USH2A: variants seen among roughly 807,000 people sequenced by gnomAD.
USH2A encodes Usher syndrome 2A (autosomal recessive, mild).
USH2A carries 443 observed loss-of-function variants against 538.9 expected under a neutral mutation model. The ratio of observed to expected loss-of-function variants is 0.82; its 90% CI spans 0.76 to 0.89. USH2A has a LOEUF of 0.89. Ranked by LOEUF, USH2A falls within the 40% of genes least tolerant of loss-of-function variation. USH2A has a pLI of 0.00. For missense variants in USH2A, 6,633 were observed against 6,324.8 expected (o/e 1.05, Z -1.65); for synonymous variants, 2,413 against 2,273.5 (o/e 1.06, Z -1.75).
intron 47 of USH2A, among the ~76,000 whole-genome samples, chr1:215,823,846 G>C (rs1489116018): frequency 6.6e-6 from 1 of 151,896 alleles, no homozygotes; most frequent in Non-Finnish European, 1.5e-5. Flanking sequence ...CACTTCAGCA[G>C]ATGTATTTCT....
rs116484033 is a variant in USH2A at position 215,917,882 on chromosome 1, G to A, written c.7300+16734C>T. On this transcript the variant is annotated intron_variant, in intron 38 of 71. Transcript: ENST00000307340. Reference sequence around the variant, plus strand: ...GGATGCTGAGGTGGGACAATTGCTTGAGCCCAGGAGATTGAGGCTGCAGTG... The same window carrying A: ...GGATGCTGAGGTGGGACAATTGCTTAAGCCCAGGAGATTGAGGCTGCAGTG... Among the ~76,000 whole-genome samples, 515 of 151,606 alleles carry A rather than the reference G, an allele frequency of 3.4e-3. 4 individuals carry two copies. The highest frequency in any genetic ancestry group is 0.012 in the African/African-American group (497 of 41,356).
chr1:215,940,241 G>A (rs558308371), intron 37 of USH2A, among the ~76,000 whole-genome samples: 176 of 152,030 alleles, frequency 1.2e-3, no homozygotes, highest in African/African-American at 4.0e-3. Context: ...ATATTTTTCT[G>A]GTATTAAGGT....
At chr1:216,159,433 G>C (rs1049864552) in intron 21 of USH2A, among the ~76,000 whole-genome samples, 1 of 151,734 alleles carries the variant, frequency 6.6e-6, no homozygotes, top group Non-Finnish European at 1.5e-5. Context: ...AATTTAGAAT[G>C]TTTCATTTTT....
chr1:216,283,017 A>G (rs954683428), intron 11 of USH2A, among the ~76,000 whole-genome samples: 7 of 152,166 alleles, frequency 4.6e-5, no homozygotes, highest in African/African-American at 1.7e-4. Flanking sequence ...TTCAGTGCAA[A>G]TATATGGAAA....
intron 3 of USH2A, among the ~76,000 whole-genome samples, chr1:216,383,271 G>A (rs80262489): frequency 0.014 from 2,091 of 152,196 alleles, 49 homozygotes; most frequent in African/African-American, 0.048. Flanking sequence ...TAGAAAGACA[G>A]GCTCAACTAC....
chr1:215,924,658 A>G (rs74141462), intron 38 of USH2A, among the ~76,000 whole-genome samples: 2,405 of 152,242 alleles, frequency 0.016, 81 homozygotes, highest in African/African-American at 0.055. Context: ...CGAAGAAAAA[A>G]AAAGAAAATG....
intron 4 of USH2A, among the ~76,000 whole-genome samples, chr1:216,347,637 T>A (rs547877094): frequency 6.6e-5 from 10 of 152,282 alleles, no homozygotes; most frequent in Non-Finnish European, 1.5e-4. Flanking sequence ...AGTCCTGTAA[T>A]TCTGATATGA....
At chr1:216,281,865 GTTTTTTT>G (rs766030449) in intron 11 of USH2A, among the ~76,000 whole-genome samples, 2 of 96,474 alleles carry the variant, frequency 2.1e-5, no homozygotes, top group African/African-American at 4.0e-5. Context: ...GTTTTTGTCT[GTTTTTTT>G]TTTTTTTTTT....
chr1:216,027,070 T>C (rs937188756), intron 32 of USH2A, among the ~76,000 whole-genome samples: 3 of 152,198 alleles, frequency 2.0e-5, no homozygotes, highest in African/African-American at 7.2e-5. Context: ...AAGCAGACCC[T>C]CTGCTATAGG....
At chr1:216,159,192 T>C (rs914077065) in intron 21 of USH2A, among the ~76,000 whole-genome samples, 4 of 152,172 alleles carry the variant, frequency 2.6e-5, no homozygotes, top group Non-Finnish European at 5.9e-5. Context: ...ATTTTATTGC[T>C]ATATTGCTCT....
intron 21 of USH2A, chr1:216,174,442 A>T: frequency 1.0e-6 from 1 of 985,418 alleles, no homozygotes. Context: ...ATATTGCGGT[A>T]CTAGTAAGGC....
intron 29 of USH2A, among the ~76,000 whole-genome samples, chr1:216,071,985 A>C (rs1571934879): frequency 6.6e-6 from 1 of 152,322 alleles, no homozygotes; most frequent in East Asian, 1.9e-4. Context: ...TGCTCATCTC[A>C]GTATTTAATT....
intron 21 of USH2A, among the ~76,000 whole-genome samples, chr1:216,172,045 A>G (rs555287730): frequency 2.6e-5 from 4 of 152,176 alleles, no homozygotes; most frequent in African/African-American, 9.6e-5. Context: ...AGATATTGAC[A>G]GGGTTTATTT....
At chr1:215,696,067 C>A (rs1014571355) in intron 61 of USH2A, among the ~76,000 whole-genome samples, 8 of 152,094 alleles carry the variant, frequency 5.3e-5, no homozygotes, top group Non-Finnish European at 1.0e-4. Flanking sequence ...GCTTTTGACT[C>A]CCCCGGAACT....
chr1:216,279,773 A>G (rs1400534040), intron 11 of USH2A, among the ~76,000 whole-genome samples: 1 of 152,130 alleles, frequency 6.6e-6, no homozygotes, highest in Non-Finnish European at 1.5e-5. Context: ...GGATGAAAAA[A>G]GTCCCAAGCA....
At chr1:215,818,994 TA>T (rs924972675) in intron 47 of USH2A, among the ~76,000 whole-genome samples, 1 of 151,750 alleles carries the variant, frequency 6.6e-6, no homozygotes, top group Admixed American at 6.6e-5. Context: ...TCATTGTTTT[TA>T]AAAAAATAGG....
At chr1:215,728,743 C>T (rs1399137292) in intron 60 of USH2A, among the ~76,000 whole-genome samples, 1 of 152,156 alleles carries the variant, frequency 6.6e-6, no homozygotes, top group African/African-American at 2.4e-5. Context: ...TGCTGAATAA[C>T]AAGATACATA....
At chr1:215,721,580 A>T (rs552448633) in intron 61 of USH2A, among the ~76,000 whole-genome samples, 2 of 152,278 alleles carry the variant, frequency 1.3e-5, no homozygotes, top group African/African-American at 4.8e-5. Context: ...TAAATTTCAA[A>T]AGACTTACAT....
chr1:216,124,339 G>A (rs2033201700), intron 21 of USH2A, among the ~76,000 whole-genome samples: 1 of 151,918 alleles, frequency 6.6e-6, no homozygotes, highest in African/African-American at 2.4e-5. Flanking sequence ...AGAAAACACA[G>A]TAAGTTGGAA....
Sources: gnomAD v4.1 joint callset for allele counts (sites outside exome capture counted in the v4.1 genomes callset) on GRCh38, gnomAD v4.1.1 for gene constraint, MANE v1.5 for transcripts, NCBI Gene and HGNC (gene_info 2026-07-23, HGNC 2026-07-21) for gene names.